OR9K2: variants seen among roughly 807,000 people sequenced by gnomAD.
OR9K2 encodes olfactory receptor family 9 subfamily K member 2, also known as olfactory receptor 9K2.
A neutral mutation model predicts 12.4 loss-of-function variants in OR9K2; 16 were observed. The observed-to-expected ratio is 1.29, with a 90% confidence interval of 0.87 to 1.95. OR9K2 has a LOEUF of 1.95. OR9K2 is among the 30% of genes most tolerant of loss of function. The pLI is 0.00. For synonymous variants in OR9K2, 133 were observed against 133.2 expected (o/e 1.00, Z 0.01); for missense variants, 434 against 376.5 (o/e 1.15, Z -1.26).
rs1592490445 is a variant in OR9K2, at chr12:55,131,169, A to G, written c.*393A>G. ...CTACACACAATCATGGGTAGTTGAC[A>G]AAGATGCCCAGATTATTTTTAAATA... On this transcript the variant is annotated 3_prime_UTR_variant, in exon 3 of 3. Transcript: ENST00000641329. 1 of 155,086 alleles carries G rather than the reference A, an allele frequency of 6.4e-6. No homozygotes were observed. The highest frequency in any genetic ancestry group is 1.9e-4 in the East Asian group (1 of 5,266). 9.6% of individuals were successfully genotyped at this position (155,086 alleles called of 1,614,324 possible).
Position 55,130,331 on chromosome 12 carries a change from C to T in OR9K2, c.497C>T (p.Thr166Ile), listed in dbSNP as rs567548147. Residue 166 changes from threonine (T) to isoleucine (I), a missense_variant, in exon 3 of 3, where the codon ACA (threonine) becomes ATA (isoleucine). Physicochemically the swap from Thr to Ile is moderately conservative, Grantham distance 89. Transcript: ENST00000641329. ...AGCTCAGTTATTCAGACTAGCATGACATTTACTTTATCTTTTTGCGCTTCT... is the reference window on the plus strand; with the variant it reads ...AGCTCAGTTATTCAGACTAGCATGATATTTACTTTATCTTTTTGCGCTTCT... Reference protein sequence around the residue: ...CISSVIQTSMTFTLSFCASRA... With the variant: ...CISSVIQTSMIFTLSFCASRA... 2.5e-6 allele frequency: 4 copies of T among 1,613,972 alleles called. No individual in the cohort carries two copies. The highest frequency in any genetic ancestry group is 2.2e-5 in the East Asian group (1 of 44,886).
rs1016445275 is a variant in OR9K2, at chr12:55,130,089, G to T, written c.255G>T (p.Met85Ile). 5.0e-6 allele frequency: 8 copies of T among 1,612,844 alleles called. No homozygotes were observed. Among genetic ancestry groups the T allele is most frequent in the Middle Eastern group, 1.6e-4 (1 of 6,082 alleles). The change falls in exon 3 of 3, where the codon ATG becomes ATT. Residue 85 changes from methionine to isoleucine, a missense_variant. Met to Ile is a conservative substitution (Grantham distance 10, BLOSUM62 1). Transcript: ENST00000641329. Reference sequence around the variant, plus strand: ...CATCTGTTATTGAACCCAAGGCTATGATCAACTTCTGGTCTGAAAACAAGT... The same window carrying T: ...CATCTGTTATTGAACCCAAGGCTATTATCAACTTCTGGTCTGAAAACAAGT... ...FYSSVIEPKAMINFWSENKSI... is the reference protein window; with the variant it reads ...FYSSVIEPKAIINFWSENKSI...
rs6581022 is a variant in OR9K2 at position 55,131,338 on chromosome 12, A to G, written c.*562A>G. Reference sequence around the variant, plus strand: ...TATACATTAATTTGGAAAATGTTGTACTTCATTATTGTGGAGTGCTCTAAG... The same window carrying G: ...TATACATTAATTTGGAAAATGTTGTGCTTCATTATTGTGGAGTGCTCTAAG... On this transcript the variant is annotated 3_prime_UTR_variant, in exon 3 of 3. Transcript: ENST00000641329. The G allele has an allele frequency of 0.33, 49,581 of 152,204 alleles. 8,355 individuals are homozygous for G. Among genetic ancestry groups the G allele is most frequent in the Middle Eastern group, 0.41 (121 of 294 alleles). 9.4% of individuals were successfully genotyped at this position (152,204 alleles called of 1,614,324 possible).
At position 55,130,591 on chromosome 12, in the gene OR9K2, G is replaced by A; in HGVS notation, c.757G>A (p.Val253Met). 1.2e-6 allele frequency: 2 copies of A among 1,613,858 alleles called. No homozygotes were observed. The highest frequency in any genetic ancestry group is 2.2e-5 in the South Asian group (2 of 91,072). The change falls in exon 3 of 3, where the codon GTG (valine) becomes ATG (methionine). Residue 253 changes from valine to methionine, a missense_variant. Coordinates refer to ENST00000641329, the MANE Select transcript of OR9K2 (RefSeq NM_001005243.2). ...CAGCTCTCACCTGGGAGTTGTGAGTGTGCTGTATGGTGCTGTCTTTTTTAT... is the reference window on the plus strand; with the variant it reads ...CAGCTCTCACCTGGGAGTTGTGAGTATGCTGTATGGTGCTGTCTTTTTTAT... ...TCSSHLGVVS[V>M]LYGAVFFMYL...
chr12:55,130,044 C>A lies in OR9K2; in HGVS notation c.210C>A (p.Ser70=), dbSNP rs1592489826. The A allele has an allele frequency of 6.2e-7, 1 of 1,612,696 alleles. No homozygotes were observed. The highest frequency in any genetic ancestry group is 2.2e-5 in the East Asian group (1 of 44,876). The change falls in exon 3 of 3, where the codon TCC becomes TCA. Residue 70 remains serine, a synonymous_variant. Coordinates refer to ENST00000641329, the MANE Select transcript of OR9K2 (RefSeq NM_001005243.2). ...TPMYFFLGNL[S]FIDLFYSSVI... ...TGTATTTTTTCCTAGGCAATCTCTC[C>A]TTCATTGATCTTTTCTATTCATCTG...
intron 1 of OR9K2, 100 bp downstream of exon 1, chr12:55,126,616 T>G (rs1953430234): frequency 6.6e-6 from 1 of 152,132 alleles, no homozygotes; most frequent in African/African-American, 2.4e-5. Flanking sequence ...TAAAAAGGAC[T>G]ATAAAACTTT....
rs1335086269 is a variant in OR9K2 at position 55,130,707 on chromosome 12, C to A, written c.873C>A (p.Tyr291Ter). ...LVTPMLNPLI[Y>*]SLRNKDVQEA... ...CTCCCATGTTGAATCCTTTGATTTA[C>A]TCTCTGAGGAACAAAGATGTCCAAG... Residue 291 changes from tyrosine (Y) to a stop codon, truncating the protein, a stop_gained, in exon 3 of 3, where the codon TAC (tyrosine) becomes TAA (stop). Coordinates refer to ENST00000641329, the MANE Select transcript of OR9K2 (RefSeq NM_001005243.2). LOFTEE classifies it high-confidence loss of function. 2 of 1,610,180 alleles carry A rather than the reference C, an allele frequency of 1.2e-6. No individual in the cohort carries two copies. Among genetic ancestry groups the A allele is most frequent in the Non-Finnish European group, 1.7e-6 (2 of 1,176,542 alleles).
rs751149189 is a variant in OR9K2 at position 55,130,701 on chromosome 12, G to A, written c.867G>A (p.Leu289=). ...YSLVTPMLNP[L]IYSLRNKDVQ... is the part of the protein sequence containing the mutation. ...TAGTCACTCCCATGTTGAATCCTTT[G>A]ATTTACTCTCTGAGGAACAAAGATG... Residue 289 remains leucine (L), a synonymous_variant, in exon 3 of 3, where the codon TTG becomes TTA. Transcript: ENST00000641329. The A allele has an allele frequency of 9.9e-6, 16 of 1,611,258 alleles. No homozygotes were observed. The South Asian group carries it at 1.6e-4, about 17-fold the overall frequency.
chr12:55,129,347 C>G (rs909030961), intron 2 of OR9K2, among the ~76,000 whole-genome samples: 2 of 151,814 alleles, frequency 1.3e-5, no homozygotes, highest in Non-Finnish European at 2.9e-5. Context: ...CAGTCACTTC[C>G]TTTATATTTG....
In OR9K2 at chr12:55,132,068, G is replaced by GA. The variant is rs1953478479; in HGVS notation, c.*1295dup. 2.0e-5 allele frequency: 3 copies of GA among 152,238 alleles called. No individual in the cohort carries two copies. In the South Asian group the frequency reaches 6.2e-4, roughly 32 times the overall value. 9.4% of individuals were successfully genotyped at this position (152,238 alleles called of 1,614,324 possible). On this transcript the variant is annotated 3_prime_UTR_variant, in exon 3 of 3. Coordinates refer to ENST00000641329, the MANE Select transcript of OR9K2 (RefSeq NM_001005243.2). ...AAGTATAGGAGCTCTCAGAAAACCT[G>GA]AAATAAAGGGGGAACTTTCTTGCCT...
At chr12:55,129,396 G>A (rs11171308) in intron 2 of OR9K2, among the ~76,000 whole-genome samples, 49,446 of 151,600 alleles carry the variant, frequency 0.33, 8,317 homozygotes, top group Middle Eastern at 0.4. Flanking sequence ...CCTAAACTTG[G>A]CTACTAAAAC....
chr12:55,127,453 T>G (rs1361840907), intron 2 of OR9K2, among the ~76,000 whole-genome samples: 3 of 152,036 alleles, frequency 2.0e-5, no homozygotes, highest in Non-Finnish European at 4.4e-5. Context: ...ATGTCTCACA[T>G]CTTTCCAGAC....
Position 55,132,707 on chromosome 12 carries a change from G to C in OR9K2, c.*1931G>C, listed in dbSNP as rs1953483790. 1 of 152,160 alleles carries C rather than the reference G, an allele frequency of 6.6e-6. No individual in the cohort carries two copies. Among genetic ancestry groups the C allele is most frequent in the African/African-American group, 2.4e-5 (1 of 41,446 alleles). 9.4% of individuals were successfully genotyped at this position (152,160 alleles called of 1,614,324 possible). On this transcript the variant is annotated 3_prime_UTR_variant, in exon 3 of 3. Transcript: ENST00000641329. ...TGGAAAAGAAGAGAAAACGTTCCTT[G>C]TTTGCAGATAACATATCTATGTAGA...
At chr12:55,129,713 TAAC>T in intron 2 of OR9K2, 110 bp from the exon 3 acceptor site, 1 of 1,295,806 alleles carries the variant, frequency 7.7e-7, no homozygotes, top group Non-Finnish European at 1.1e-6. Flanking sequence ...AAATTAATAA[TAAC>T]ATTAATTTAA....
At position 55,130,051 on chromosome 12, in the gene OR9K2, G is replaced by A; in HGVS notation, c.217G>A (p.Asp73Asn). ...TTTCCTAGGCAATCTCTCCTTCATT[G>A]ATCTTTTCTATTCATCTGTTATTGA... ...YFFLGNLSFI[D>N]LFYSSVIEPK... The change falls in exon 3 of 3, where the codon GAT becomes AAT. Residue 73 changes from aspartate to asparagine, a missense_variant. Physicochemically the swap from Asp to Asn is conservative, Grantham distance 23 (BLOSUM62 1). Coordinates refer to ENST00000641329, the MANE Select transcript of OR9K2 (RefSeq NM_001005243.2). 4 of 1,612,554 alleles carry A rather than the reference G, an allele frequency of 2.5e-6. No individual in the cohort carries two copies. The highest frequency in any genetic ancestry group is 3.4e-6 in the Non-Finnish European group (4 of 1,179,946).
In OR9K2 at chr12:55,129,277, C is replaced by A. The variant is rs1017729426; in HGVS notation, c.-9-549C>A. On this transcript the variant is annotated intron_variant, in intron 2 of 2. Coordinates refer to ENST00000641329, the MANE Select transcript of OR9K2 (RefSeq NM_001005243.2). Reference sequence around the variant, plus strand: ...GTGGGTACATAACTTCCATCAGAATCCAGTTTCCATGACTTGTGAAAGGTA... The same window carrying A: ...GTGGGTACATAACTTCCATCAGAATACAGTTTCCATGACTTGTGAAAGGTA... Among the ~76,000 whole-genome samples the A allele has an allele frequency of 2.0e-5, 3 of 151,812 alleles. No individual in the cohort carries two copies. In the East Asian group the frequency reaches 5.8e-4, roughly 29 times the overall value.
At position 55,130,576 on chromosome 12, in the gene OR9K2, C is replaced by G. The variant is rs1402559211; in HGVS notation, c.742C>G (p.Leu248Val). ...GGCCTTCTCCACCTGCAGCTCTCACCTGGGAGTTGTGAGTGTGCTGTATGG... is the reference window on the plus strand; with the variant it reads ...GGCCTTCTCCACCTGCAGCTCTCACGTGGGAGTTGTGAGTGTGCTGTATGG... ...KKAFSTCSSH[L>V]GVVSVLYGAV... is the part of the protein sequence containing the mutation. Residue 248 changes from leucine to valine, a missense_variant, in exon 3 of 3, where the codon CTG (leucine) becomes GTG (valine). Physicochemically the swap from Leu to Val is conservative, Grantham distance 32 (BLOSUM62 1). Transcript: ENST00000641329. 3 of 1,613,730 alleles carry G rather than the reference C, an allele frequency of 1.9e-6. No individual in the cohort carries two copies. The highest frequency in any genetic ancestry group is 2.5e-6 in the Non-Finnish European group (3 of 1,179,720).
intron 2 of OR9K2, among the ~76,000 whole-genome samples, chr12:55,127,398 A>G (rs150391211): frequency 1.2e-4 from 19 of 152,036 alleles, no homozygotes; most frequent in African/African-American, 4.6e-4. Context: ...TTTTCAAAAA[A>G]TGATTTTTCA....
At chr12:55,129,257 T>C (rs1487530320) in intron 2 of OR9K2, among the ~76,000 whole-genome samples, 1 of 152,114 alleles carries the variant, frequency 6.6e-6, no homozygotes, top group African/African-American at 2.4e-5. Flanking sequence ...TCTTAGTGGG[T>C]ACATAACTTC....
Sources: gnomAD v4.1 joint callset for allele counts (sites outside exome capture counted in the v4.1 genomes callset) on GRCh38, gnomAD v4.1.1 for gene constraint, MANE v1.5 for transcripts, NCBI Gene and HGNC (gene_info 2026-07-23, HGNC 2026-07-21) for gene names.